The following C8orf34 variants were observed in gnomAD, a reference collection of about 807,000 sequenced individuals.
C8orf34 encodes chromosome 8 open reading frame 34, also known as uncharacterized protein C8orf34.
A neutral mutation model predicts 68.3 loss-of-function variants in C8orf34; 65 were observed. The ratio of observed to expected loss-of-function variants is 0.95; its 90% CI spans 0.78 to 1.17. The LOEUF (loss-of-function observed/expected upper bound fraction) is 1.17. C8orf34 is among the 50% of genes most tolerant of loss of function. C8orf34 has a pLI of 0.00. For missense variants in C8orf34, 664 were observed against 655.4 expected (o/e 1.01, Z -0.14); for synonymous variants, 244 against 241.2 (o/e 1.01, Z -0.11).
rs566497615 is a variant in C8orf34, at chr8:68,687,828, C to A, written c.1242-21166C>A. Among the ~76,000 whole-genome samples, 24 of 152,170 alleles carry A rather than the reference C, an allele frequency of 1.6e-4. No individual in the cohort carries two copies. The East Asian group carries it at 4.6e-3, about 29-fold the overall frequency. On this transcript the variant is annotated intron_variant, in intron 8 of 13. Transcript: ENST00000518698. ...AATAATCAACAGAGTAAATAGACAACCCACAGAATAGAGAAAATATTCACA... is the reference window on the plus strand; with the variant it reads ...AATAATCAACAGAGTAAATAGACAAACCACAGAATAGAGAAAATATTCACA...
At chr8:68,338,975 A>G (rs746708241) in intron 1 of C8orf34, among the ~76,000 whole-genome samples, 10 of 152,000 alleles carry the variant, frequency 6.6e-5, no homozygotes, top group Non-Finnish European at 1.5e-4. Flanking sequence ...TAATGCAATG[A>G]ATTTTCTTTT....
chr8:68,665,675 C>T (rs1819815619), intron 8 of C8orf34, among the ~76,000 whole-genome samples: 1 of 152,220 alleles, frequency 6.6e-6, no homozygotes, highest in Non-Finnish European at 1.5e-5. Flanking sequence ...TGCTGTTTCT[C>T]CTGACTGATG....
intron 1 of C8orf34, among the ~76,000 whole-genome samples, chr8:68,342,404 T>C (rs900005784): frequency 2.0e-5 from 3 of 152,142 alleles, no homozygotes; most frequent in African/African-American, 7.2e-5. Context: ...GAAGATAAGT[T>C]ACCGGTTAGG....
chr8:68,471,582 A>G (rs1204054302), intron 4 of C8orf34, among the ~76,000 whole-genome samples: 2 of 152,032 alleles, frequency 1.3e-5, no homozygotes, highest in Non-Finnish European at 2.9e-5. Flanking sequence ...CTCTTTTTCT[A>G]TGATAGTAAC....
chr8:68,534,636 G>A, intron 7 of C8orf34: 7 of 985,516 alleles, frequency 7.1e-6, no homozygotes, highest in Non-Finnish European at 8.4e-6. Flanking sequence ...AGCTCAGCAG[G>A]TGGGGTGTGG....
chr8:68,613,105 T>C (rs1818072081), intron 7 of C8orf34, among the ~76,000 whole-genome samples: 1 of 152,110 alleles, frequency 6.6e-6, no homozygotes, highest in Admixed American at 6.6e-5. Context: ...TCTAGAAAGA[T>C]GCAGTATTAC....
intron 10 of C8orf34, among the ~76,000 whole-genome samples, chr8:68,761,876 G>T (rs893413279): frequency 7.2e-5 from 11 of 151,728 alleles, no homozygotes; most frequent in Admixed American, 1.3e-4. Context: ...TTATAATCCC[G>T]TGTCTATGTG....
At chr8:68,607,279 G>A (rs1270957874) in intron 7 of C8orf34, among the ~76,000 whole-genome samples, 1 of 151,958 alleles carries the variant, frequency 6.6e-6, no homozygotes, top group Non-Finnish European at 1.5e-5. Context: ...GTTCACTAAG[G>A]CTGCCATAAT....
chr8:68,618,585 G>C (rs1211203661), intron 7 of C8orf34, among the ~76,000 whole-genome samples: 1 of 79,686 alleles, frequency 1.3e-5, no homozygotes, highest in Non-Finnish European at 2.3e-5. Flanking sequence ...CTGGGCTCAA[G>C]TGAAACTCCT....
chr8:68,709,904 A>AG (rs1821283541), intron 9 of C8orf34, among the ~76,000 whole-genome samples: 1 of 152,206 alleles, frequency 6.6e-6, no homozygotes, highest in African/African-American at 2.4e-5. Flanking sequence ...TCAGCATAAT[A>AG]GCAAAACACA....
chr8:68,452,635 A>T (rs989776147), intron 3 of C8orf34, among the ~76,000 whole-genome samples: 2 of 149,322 alleles, frequency 1.3e-5, no homozygotes, highest in Admixed American at 6.8e-5. Context: ...TTCTTGAGTT[A>T]TGAGAGTTTT....
chr8:68,431,754 G>A (rs550782889), intron 1 of C8orf34, among the ~76,000 whole-genome samples: 2 of 152,236 alleles, frequency 1.3e-5, no homozygotes, highest in African/African-American at 4.8e-5. Context: ...TAGTTCTGCT[G>A]GTTAGATTTA....
intron 12 of C8orf34, among the ~76,000 whole-genome samples, chr8:68,813,050 T>G (rs774732715): frequency 2.6e-5 from 4 of 152,220 alleles, no homozygotes; most frequent in Non-Finnish European, 5.9e-5. Flanking sequence ...ATGTATTGCC[T>G]TAGGTGATTT....
At chr8:68,558,484 CT>C (rs565899145) in intron 7 of C8orf34, among the ~76,000 whole-genome samples, 33 of 151,602 alleles carry the variant, frequency 2.2e-4, no homozygotes, top group African/African-American at 5.6e-4. Flanking sequence ...TATATAGTTT[CT>C]TTTTTTTCTC....
chr8:68,578,750 AC>A (rs1196056794), intron 7 of C8orf34, among the ~76,000 whole-genome samples: 1 of 151,982 alleles, frequency 6.6e-6, no homozygotes, highest in East Asian at 1.9e-4. Flanking sequence ...CATAACACAT[AC>A]TTGAATGCAA....
intron 10 of C8orf34, among the ~76,000 whole-genome samples, chr8:68,771,054 A>G (rs746657648): frequency 3.9e-5 from 6 of 152,116 alleles, no homozygotes; most frequent in Non-Finnish European, 5.9e-5. Flanking sequence ...TTGTGGGCAA[A>G]TTTTCAAAAA....
chr8:68,812,200 C>T (rs1824672693), intron 12 of C8orf34, among the ~76,000 whole-genome samples: 1 of 151,950 alleles, frequency 6.6e-6, no homozygotes, highest in South Asian at 2.1e-4. Flanking sequence ...GCAAAGTCAT[C>T]CAGAAAATTA....
chr8:68,549,259 G>A (rs1282380728), intron 7 of C8orf34, among the ~76,000 whole-genome samples: 4 of 151,752 alleles, frequency 2.6e-5, no homozygotes, highest in Non-Finnish European at 4.4e-5. Flanking sequence ...CCAATCTATG[G>A]CAATCTACAG....
chr8:68,743,146 T>G (rs1196307244), intron 10 of C8orf34, among the ~76,000 whole-genome samples: 2 of 152,178 alleles, frequency 1.3e-5, no homozygotes, highest in Non-Finnish European at 2.9e-5. Flanking sequence ...TGACTTGAGG[T>G]AGTTAAATTT....
Sources: gnomAD v4.1 joint callset for allele counts (sites outside exome capture counted in the v4.1 genomes callset) on GRCh38, gnomAD v4.1.1 for gene constraint, MANE v1.5 for transcripts, NCBI Gene and HGNC (gene_info 2026-07-23, HGNC 2026-07-21) for gene names.